Variants in PLAA observed in about 807,000 individuals in gnomAD.
The protein encoded by PLAA is phospholipase A-2-activating protein.
A neutral mutation model predicts 84.1 loss-of-function variants in PLAA; 48 were observed. The ratio of observed to expected loss-of-function variants is 0.57; its 90% CI spans 0.45 to 0.73. The LOEUF (loss-of-function observed/expected upper bound fraction) is 0.73. PLAA is among the 30% of genes least tolerant of loss of function. The probability of loss-of-function intolerance (pLI) is 0.00; values close to 1 mark genes in which losing one functional copy is unlikely to be tolerated. For synonymous variants in PLAA, 392 were observed against 336.6 expected, an observed-to-expected ratio of 1.16 and a Z score of -1.80; for missense variants, 903 against 954.7, an observed-to-expected ratio of 0.95 and a Z score of 0.71.
At chr9:26,906,875 A>G (rs1824254129) in intron 13 of PLAA, among the ~76,000 whole-genome samples, 2 of 152,054 alleles carry the variant, frequency 1.3e-5, no homozygotes, top group Non-Finnish European at 2.9e-5. Context: ...GAAATCCAAC[A>G]TTATGTGCTC....
rs557098359 is a variant in PLAA, at chr9:26,917,087, T to C, written c.1486+10A>G. On this transcript the variant is annotated intron_variant, in intron 10 of 13. Transcript: ENST00000397292. Reference sequence around the variant, plus strand: ...TGAAGAAAGATACATGAATCAAAACTACATCCCACCTGTAAAAGGATCTGC... The same window carrying C: ...TGAAGAAAGATACATGAATCAAAACCACATCCCACCTGTAAAAGGATCTGC... The C allele has an allele frequency of 3.1e-6, 5 of 1,610,652 alleles. No homozygotes were observed. The Admixed American group carries it at 6.7e-5, about 21-fold the overall frequency.
Position 26,910,363 on chromosome 9 carries a change from G to A in PLAA, c.1632C>T (p.Asp544=). Residue 544 remains aspartate (D), a synonymous_variant, in exon 12 of 14, where the codon GAC becomes GAT. Coordinates refer to ENST00000397292, the MANE Select transcript of PLAA (RefSeq NM_001031689.3). ...CTAATATTTGTGTAGGGTTTGCTTG[G>A]TCAAATGTGACAGCCTCTTTTTTAG... ...YFPKKEAVTF[D]QANPTQILGK... 6.2e-7 allele frequency: 1 copy of A among 1,612,552 alleles called. No individual in the cohort carries two copies. Among genetic ancestry groups the A allele is most frequent in the Non-Finnish European group, 8.5e-7 (1 of 1,178,924 alleles).
At chr9:26,909,330 T>G (rs1022756772) in intron 12 of PLAA, among the ~76,000 whole-genome samples, 4 of 152,140 alleles carry the variant, frequency 2.6e-5, no homozygotes, top group Admixed American at 6.6e-5. Flanking sequence ...TTCACAAGTT[T>G]TTTTAAAAAA....
rs955412105 is a variant in PLAA, at chr9:26,929,065, G to A, written c.344-657C>T. The stretch of plus-strand genomic sequence containing the variant: ...ATACAAAAAAATAGCTGGGTGTGGC[G>A]GTATGCGCCTGTGTTCCCAGCTACT... On this transcript the variant is annotated intron_variant, in intron 2 of 13. Coordinates refer to ENST00000397292, the MANE Select transcript of PLAA (RefSeq NM_001031689.3). 9.9e-5 allele frequency among the ~76,000 whole-genome samples: 15 copies of A among 152,184 alleles called. No homozygotes were observed. The South Asian group carries it at 1.7e-3, about 17-fold the overall frequency.
At position 26,946,782 on chromosome 9, in the gene PLAA, A is replaced by G; in HGVS notation, c.149+115T>C. 5.1e-6 allele frequency: 6 copies of G among 1,187,026 alleles called. No individual in the cohort carries two copies. The South Asian group carries it at 7.9e-5, about 16-fold the overall frequency. 73.5% of individuals were successfully genotyped at this position (1,187,026 alleles called of 1,614,324 possible). A position where few individuals can be genotyped will look rare whatever the true frequency, so the allele number is the denominator to read the frequency against. ...TGAGAATTGGAAGGGAGCGGAGAGC[A>G]GAGGGAAGGCTGGGGGGAGAGAGAG... On this transcript the variant is annotated intron_variant, in intron 1 of 13. Transcript: ENST00000397292.
At chr9:26,946,842 C>T in intron 1 of PLAA, 55 bp downstream of exon 1, 1 of 1,510,204 alleles carries the variant, frequency 6.6e-7, no homozygotes, top group Non-Finnish European at 8.9e-7. Context: ...CACTCTCCTT[C>T]CACTCTCCGG....
At chr9:26,907,544 A>G (rs1005958033) in intron 13 of PLAA, 139 of 299,552 alleles carry the variant, frequency 4.6e-4, no homozygotes, top group Non-Finnish European at 7.4e-4. Flanking sequence ...CATTTCAAAA[A>G]CAAAAACAAA....
chr9:26,946,763 T>C (rs1825735660), intron 1 of PLAA, 134 bp downstream of exon 1: 3 of 1,044,340 alleles, frequency 2.9e-6, no homozygotes, highest in African/African-American at 1.6e-5. Context: ...AGTCTGAGAA[T>C]TGGAAGGGAG....
rs1824283577 is a variant in PLAA at position 26,907,842 on chromosome 9, C to G, written c.1814G>C (p.Cys605Ser). The G allele has an allele frequency of 1.2e-6, 2 of 1,602,736 alleles. No homozygotes were observed. The highest frequency in any genetic ancestry group is 1.3e-5 in the African/African-American group (1 of 74,170). ...GAAGAGTGTTTATTTACCTTCAGGA[C>G]AGTTAATAGCTTTCCACAAAATCTG... ...QLQILWKAIN[C>S]PEDIVFPALD... The change falls in exon 13 of 14, where the codon TGT becomes TCT. Residue 605 changes from cysteine to serine, a missense_variant. Cys to Ser is a moderately radical substitution (Grantham distance 112, BLOSUM62 -1). Coordinates refer to ENST00000397292, the MANE Select transcript of PLAA (RefSeq NM_001031689.3).
Position 26,946,894 on chromosome 9 carries a change from C to T in PLAA, c.149+3G>A, listed in dbSNP as rs1229622047. 1 of 1,576,830 alleles carries T rather than the reference C, an allele frequency of 6.3e-7. No individual in the cohort carries two copies. The highest frequency in any genetic ancestry group is 2.3e-5 in the East Asian group (1 of 42,890). On this transcript the variant is annotated splice_donor_region_variant and intron_variant, in intron 1 of 13. Transcript: ENST00000397292. ...CCGGGGCAACCCGACTCCCAGCGCT[C>T]ACCTGTCTGGGGCCCAGAGGCGGGT...
chr9:26,946,407 G>A (rs1165823360), intron 1 of PLAA, among the ~76,000 whole-genome samples: 1 of 149,876 alleles, frequency 6.7e-6, no homozygotes, highest in Admixed American at 6.7e-5. Flanking sequence ...ACAGACCACA[G>A]ACTAAAATTC....
At chr9:26,921,200 T>C (rs1047532685) in intron 7 of PLAA, among the ~76,000 whole-genome samples, 4 of 152,182 alleles carry the variant, frequency 2.6e-5, no homozygotes, top group Non-Finnish European at 5.9e-5. Flanking sequence ...CACACAGATA[T>C]TGGCAGTATT....
intron 6 of PLAA, among the ~76,000 whole-genome samples, chr9:26,925,251 T>C (rs1256442426): frequency 6.6e-6 from 1 of 152,200 alleles, no homozygotes; most frequent in Non-Finnish European, 1.5e-5. Flanking sequence ...TCTGCTTCAA[T>C]CCTATTTCTT....
At chr9:26,929,085 G>A (rs1327038422) in intron 2 of PLAA, among the ~76,000 whole-genome samples, 1 of 152,104 alleles carries the variant, frequency 6.6e-6, no homozygotes, top group Non-Finnish European at 1.5e-5. Flanking sequence ...TGTGTTCCCA[G>A]CTACTTGGAA....
chr9:26,944,672 A>G (rs998628363), intron 1 of PLAA, among the ~76,000 whole-genome samples: 2 of 152,244 alleles, frequency 1.3e-5, no homozygotes, highest in Admixed American at 6.5e-5. Context: ...ACAGCCACCC[A>G]TGGGCCACAG....
chr9:26,916,325 C>T, intron 10 of PLAA: 9 of 986,986 alleles, frequency 9.1e-6, no homozygotes, highest in Non-Finnish European at 1.1e-5. Flanking sequence ...GATCCAACAA[C>T]AGCATTATAC....
chr9:26,939,320 G>A (rs900008189), intron 1 of PLAA, among the ~76,000 whole-genome samples: 18 of 151,862 alleles, frequency 1.2e-4, no homozygotes, highest in African/African-American at 3.4e-4. Flanking sequence ...CCCAAGAGGT[G>A]GAGCTTGCAG....
At chr9:26,929,253 G>C (rs145041403) in intron 2 of PLAA, among the ~76,000 whole-genome samples, 1 of 152,052 alleles carries the variant, frequency 6.6e-6, no homozygotes, top group Admixed American at 6.6e-5. Flanking sequence ...GCTCATGCCT[G>C]TAATCCTAGC....
chr9:26,907,736 G>A, intron 13 of PLAA, 98 bp downstream of exon 13: 1 of 1,075,588 alleles, frequency 9.3e-7, no homozygotes, highest in South Asian at 1.5e-5. Context: ...AACTACCGAA[G>A]TTAACTTTCA....
Sources: allele counts gnomAD v4.1 joint callset (sites outside exome capture counted in the v4.1 genomes callset), GRCh38; gene constraint gnomAD v4.1.1; transcripts MANE v1.5; gene names NCBI Gene and HGNC (gene_info 2026-07-23, HGNC 2026-07-21).